Variants in SPSB1 observed in about 807,000 individuals in gnomAD.
SPSB1 encodes splA/ryanodine receptor domain and SOCS box containing 1, also known as SPRY domain-containing SOCS box protein 1.
Under a neutral mutation model 21.2 loss-of-function variants are expected in SPSB1, and 8 were observed. The observed-to-expected ratio is 0.38, with a 90% confidence interval of 0.22 to 0.68. The LOEUF is 0.68. Among genes scored for constraint, SPSB1 ranks in the 30% least tolerant of loss-of-function variants. The pLI is 0.53. For synonymous variants in SPSB1, 169 were observed against 161.7 expected (o/e 1.05, Z -0.34); for missense variants, 242 against 377.8 (o/e 0.64, Z 2.98).
rs1329995011 is a variant in SPSB1 at position 9,293,096 on chromosome 1, C to T, written c.-150+25C>T. On this transcript the variant is annotated intron_variant, in intron 1 of 2. Transcript: ENST00000328089. This position sits in a 1 kb window ranked among gnomAD's most constrained non-coding sequence, Gnocchi z 5.1. ...GGTAGGCGGCGCGGGGCACCTGGGACCCCGATGGGTGGGCGACCGGCCCGG... is the reference window on the plus strand; with the variant it reads ...GGTAGGCGGCGCGGGGCACCTGGGATCCCGATGGGTGGGCGACCGGCCCGG... 3 of 977,526 alleles carry T rather than the reference C, an allele frequency of 3.1e-6. No homozygotes were observed. Among genetic ancestry groups the T allele is most frequent in the African/African-American group, 1.8e-5 (1 of 56,486 alleles). 60.6% of individuals were successfully genotyped at this position (977,526 alleles called of 1,614,324 possible). A position where few individuals can be genotyped will look rare whatever the true frequency, so the allele number is the denominator to read the frequency against.
intron 1 of SPSB1, among the ~76,000 whole-genome samples, chr1:9,311,662 C>T (rs1639521746): frequency 6.6e-6 from 1 of 152,036 alleles, no homozygotes; most frequent in Non-Finnish European, 1.5e-5. Context: ...ATTTAACTCC[C>T]GCTGCTTCTG....
At chr1:9,362,898 G>T (rs557702669) in intron 2 of SPSB1, among the ~76,000 whole-genome samples, 3 of 152,344 alleles carry the variant, frequency 2.0e-5, no homozygotes, top group East Asian at 3.9e-4. Flanking sequence ...TTATTTAAAT[G>T]AATGAGCGCC....
Position 9,324,884 on chromosome 1 carries a change from GA to G in SPSB1, c.-149-30858del, listed in dbSNP as rs1639787012. Among the ~76,000 whole-genome samples, 1 of 152,252 alleles carries G rather than the reference GA, an allele frequency of 6.6e-6. No individual in the cohort carries two copies. The highest frequency in any genetic ancestry group is 1.5e-5 in the Non-Finnish European group (1 of 68,034). On this transcript the variant is annotated intron_variant, in intron 1 of 2. Coordinates refer to ENST00000328089, the MANE Select transcript of SPSB1 (RefSeq NM_025106.4). The surrounding 1 kb of genome is among the most constrained non-coding windows in gnomAD (Gnocchi z 4.3). ...AGCCAGCACGGTCTTGTCGGATCCAGACCAGACAAATGCTTTCTTGGAAAAG... is the reference window on the plus strand; with the variant it reads ...AGCCAGCACGGTCTTGTCGGATCCAGCCAGACAAATGCTTTCTTGGAAAAG...
chr1:9,337,966 C>T (rs1055867005), intron 1 of SPSB1, among the ~76,000 whole-genome samples: 6 of 152,198 alleles, frequency 3.9e-5, no homozygotes, highest in South Asian at 4.1e-4. Flanking sequence ...CTGCTGCCAA[C>T]GCTCTGGCCA....
chr1:9,323,132 G>A lies in SPSB1; in HGVS notation c.-150+30061G>A, dbSNP rs1057385387. Among the ~76,000 whole-genome samples the A allele has an allele frequency of 1.1e-4, 17 of 152,318 alleles. No individual in the cohort carries two copies. The East Asian group carries it at 1.7e-3, about 16-fold the overall frequency. ...TTTGCGGCCTCTGCAGCCACCTGCC[G>A]GACATTCCTTCCTGCTGCCATGTTG... On this transcript the variant is annotated intron_variant, in intron 1 of 2. Transcript: ENST00000328089.
intron 1 of SPSB1, among the ~76,000 whole-genome samples, chr1:9,304,269 G>A (rs1047341562): frequency 6.6e-6 from 1 of 152,144 alleles, no homozygotes; most frequent in African/African-American, 2.4e-5. Flanking sequence ...CTGGTTCTGA[G>A]GCCTTCAGAC....
intron 1 of SPSB1, among the ~76,000 whole-genome samples, chr1:9,311,519 A>G (rs992014709): frequency 3.3e-5 from 5 of 152,214 alleles, no homozygotes; most frequent in Admixed American, 2.0e-4. Flanking sequence ...TCTTTTCTGG[A>G]AAGACCGATC....
intron 1 of SPSB1, among the ~76,000 whole-genome samples, chr1:9,298,173 G>C (rs538998112): frequency 1.4e-3 from 209 of 152,322 alleles, no homozygotes; most frequent in African/African-American, 4.8e-3. Context: ...AAGTGAAATA[G>C]ACAGGAAACC....
intron 2 of SPSB1, among the ~76,000 whole-genome samples, chr1:9,361,185 GA>G (rs1375779707): frequency 1.6e-5 from 1 of 63,164 alleles, no homozygotes; most frequent in East Asian, 6.7e-4. Flanking sequence ...TTTTTTTTTA[GA>G]GATGGGGTCT....
chr1:9,367,730 G>A lies in SPSB1; in HGVS notation c.*155G>A. On this transcript the variant is annotated 3_prime_UTR_variant, in exon 3 of 3. Transcript: ENST00000328089. The surrounding 1 kb of genome is among the most constrained non-coding windows in gnomAD (Gnocchi z 5.9). Reference sequence around the variant, plus strand: ...CTCATCCTCCGTGGCTGCCTCCATGGGACAAGGACCGATTCCAACACAGGC... The same window carrying A: ...CTCATCCTCCGTGGCTGCCTCCATGAGACAAGGACCGATTCCAACACAGGC... 3.4e-6 allele frequency: 4 copies of A among 1,191,566 alleles called. No homozygotes were observed. Among genetic ancestry groups the A allele is most frequent in the Non-Finnish European group, 3.4e-6 (3 of 876,922 alleles). The allele number at this position is 1,191,566 out of a possible 1,614,324, so 73.8% of individuals were successfully genotyped here.
chr1:9,294,649 G>A (rs1639179612), intron 1 of SPSB1: 4 of 152,212 alleles, frequency 2.6e-5, no homozygotes, highest in Admixed American at 6.5e-5. Flanking sequence ...CTGGTCATGA[G>A]TTGAGTTTTA....
In SPSB1 at chr1:9,305,707, G is replaced by C. The variant is rs1639400042; in HGVS notation, c.-150+12636G>C. ...TCCGAACAAGCCTCTGTTCTCAGGA[G>C]CTGTTAGTGGGCCACTTGTCATTCA... is the stretch of plus-strand genomic sequence containing the variant. On this transcript the variant is annotated intron_variant, in intron 1 of 2. Coordinates refer to ENST00000328089, the MANE Select transcript of SPSB1 (RefSeq NM_025106.4). This position sits in a 1 kb window ranked among gnomAD's most constrained non-coding sequence, Gnocchi z 4.8. Among the ~76,000 whole-genome samples the C allele has an allele frequency of 6.6e-6, 1 of 152,212 alleles. No individual in the cohort carries two copies. Among genetic ancestry groups the C allele is most frequent in the African/African-American group, 2.4e-5 (1 of 41,456 alleles).
chr1:9,337,788 CT>C (rs2100498327), intron 1 of SPSB1, among the ~76,000 whole-genome samples: 1 of 152,362 alleles, frequency 6.6e-6, no homozygotes, highest in South Asian at 2.1e-4. Flanking sequence ...CGTTCTCTTG[CT>C]CCCTCACTCT....
intron 1 of SPSB1, among the ~76,000 whole-genome samples, chr1:9,315,212 C>T (rs1033297873): frequency 1.3e-5 from 2 of 152,212 alleles, no homozygotes; most frequent in Non-Finnish European, 2.9e-5. Context: ...CCCCATGCCG[C>T]ATCACGGACA....
intron 1 of SPSB1, among the ~76,000 whole-genome samples, chr1:9,328,133 C>T (rs1293499505): frequency 6.6e-6 from 1 of 152,236 alleles, no homozygotes; most frequent in Non-Finnish European, 1.5e-5. Flanking sequence ...CTCTGCCACA[C>T]ACCTTTACAC....
At position 9,305,275 on chromosome 1, in the gene SPSB1, T is replaced by C. The variant is rs1169848435; in HGVS notation, c.-150+12204T>C. 6.6e-6 allele frequency among the ~76,000 whole-genome samples: 1 copy of C among 152,056 alleles called. No individual in the cohort carries two copies. The highest frequency in any genetic ancestry group is 1.5e-5 in the Non-Finnish European group (1 of 68,002). ...CTTCACTTTCCAAAACCGGATCCCC[T>C]CACTCCTCCCCTCTTCCCAGGGATG... On this transcript the variant is annotated intron_variant, in intron 1 of 2. Transcript: ENST00000328089. This position sits in a 1 kb window ranked among gnomAD's most constrained non-coding sequence, Gnocchi z 4.8.
chr1:9,336,937 C>T (rs1008735776), intron 1 of SPSB1, among the ~76,000 whole-genome samples: 2 of 152,186 alleles, frequency 1.3e-5, no homozygotes, highest in African/African-American at 2.4e-5. Context: ...CTGGTGCCTG[C>T]TGGTCCCCAC....
chr1:9,347,489 G>A (rs1041387769), intron 1 of SPSB1, among the ~76,000 whole-genome samples: 2 of 152,214 alleles, frequency 1.3e-5, no homozygotes, highest in Admixed American at 6.5e-5. Flanking sequence ...TGAAAGGTTT[G>A]ATGTTTATCC....
At chr1:9,315,517 G>C (rs9729583) in intron 1 of SPSB1, among the ~76,000 whole-genome samples, 57,159 of 152,228 alleles carry the variant, frequency 0.38, 11,288 homozygotes, top group South Asian at 0.46. Context: ...GTCACATGAC[G>C]GGGTGGGAGC....
Sources: allele counts gnomAD v4.1 joint callset (sites outside exome capture counted in the v4.1 genomes callset), GRCh38; gene constraint gnomAD v4.1.1; non-coding constraint Gnocchi (gnomAD v3.1); transcripts MANE v1.5; gene names NCBI Gene and HGNC (gene_info 2026-07-23, HGNC 2026-07-21).